LRP1B: variants seen among roughly 807,000 people sequenced by gnomAD.
The protein encoded by LRP1B is LDL receptor related protein 1B, also known as low-density lipoprotein receptor-related protein 1B.
In LRP1B, 217 loss-of-function variants were observed where a neutral mutation model predicts 556.6. The observed-to-expected ratio is 0.39, with a 90% CI of 0.35 to 0.44. The LOEUF is 0.44. LRP1B is among the 20% of genes least tolerant of loss of function. The probability of loss-of-function intolerance (pLI) is 1.00; values close to 1 mark genes in which losing one functional copy is unlikely to be tolerated. For synonymous variants in LRP1B, 2,047 were observed against 1,865.8 expected (o/e 1.10, Z -2.50); for missense variants, 5,053 against 5,620.8 (o/e 0.90, Z 3.23).
intron 31 of LRP1B, among the ~76,000 whole-genome samples, chr2:140,833,066 T>C (rs1230707021): frequency 6.6e-6 from 1 of 152,204 alleles, no homozygotes; most frequent in African/African-American, 2.4e-5. Flanking sequence ...TGTGTGTGCA[T>C]GAGTGTGCCC....
At chr2:141,882,635 T>C (rs1023391053) in intron 1 of LRP1B, among the ~76,000 whole-genome samples, 2 of 152,220 alleles carry the variant, frequency 1.3e-5, no homozygotes, top group African/African-American at 4.8e-5. Context: ...ATGCTTATGA[T>C]CATGGGCAGT....
chr2:142,070,381 T>G (rs865805662), intron 1 of LRP1B, among the ~76,000 whole-genome samples: 15 of 151,964 alleles, frequency 9.9e-5, no homozygotes, highest in Admixed American at 2.6e-4. Flanking sequence ...GTGAGGAGGT[T>G]AAATAACTTG....
chr2:142,103,273 T>A (rs1706628563), intron 1 of LRP1B, among the ~76,000 whole-genome samples: 1 of 151,982 alleles, frequency 6.6e-6, no homozygotes, highest in Non-Finnish European at 1.5e-5. Flanking sequence ...ATTTAGTAAA[T>A]TATTTGCATA....
At chr2:141,716,406 T>A (rs1692587820) in intron 2 of LRP1B, among the ~76,000 whole-genome samples, 2 of 152,178 alleles carry the variant, frequency 1.3e-5, no homozygotes, top group Non-Finnish European at 2.9e-5. Flanking sequence ...GAAAAATTCT[T>A]TTGCAAAAGT....
Position 141,631,904 on chromosome 2 carries a change from C to T in LRP1B, c.206-151371G>A, listed in dbSNP as rs540070189. ...TAATGTAAGTTTTAGGAAATTTTAC[C>T]GATTTTTCATTTCTTTTTTTTTAGA... On this transcript the variant is annotated intron_variant, in intron 2 of 90. Transcript: ENST00000389484. Among the ~76,000 whole-genome samples the T allele has an allele frequency of 3.6e-4, 54 of 151,768 alleles. 1 individual carries two copies. Among genetic ancestry groups the T allele is most frequent in the Non-Finnish European group, 7.4e-4 (50 of 67,936 alleles).
intron 2 of LRP1B, among the ~76,000 whole-genome samples, chr2:141,757,484 GATA>G (rs1694364786): frequency 1.3e-5 from 2 of 152,120 alleles, no homozygotes; most frequent in Admixed American, 6.6e-5. Context: ...AAATAATGAT[GATA>G]ATAAATAAAA....
intron 6 of LRP1B, among the ~76,000 whole-genome samples, chr2:141,215,612 A>G (rs1197417990): frequency 6.6e-6 from 1 of 152,198 alleles, no homozygotes; most frequent in Non-Finnish European, 1.5e-5. Context: ...GAGGTCTCAG[A>G]TTTAAATGAA....
intron 2 of LRP1B, among the ~76,000 whole-genome samples, chr2:141,758,808 T>C (rs1239189262): frequency 2.0e-5 from 3 of 152,150 alleles, no homozygotes; most frequent in African/African-American, 7.2e-5. Context: ...CATTAAAAAG[T>C]GTCTCATTTA....
intron 1 of LRP1B, among the ~76,000 whole-genome samples, chr2:142,022,636 T>C (rs571963459): frequency 6.6e-5 from 10 of 152,242 alleles, no homozygotes; most frequent in Non-Finnish European, 1.3e-4. Context: ...ACTTTTATTT[T>C]AATAAACAAA....
chr2:140,424,412 A>G (rs2105271303), intron 66 of LRP1B, among the ~76,000 whole-genome samples: 1 of 152,336 alleles, frequency 6.6e-6, no homozygotes, highest in South Asian at 2.1e-4. Context: ...TTGTCTCTGG[A>G]TTCATGATAC....
intron 25 of LRP1B, among the ~76,000 whole-genome samples, chr2:140,877,621 T>C (rs1175119532): frequency 1.3e-5 from 2 of 152,134 alleles, no homozygotes; most frequent in African/African-American, 4.8e-5. Context: ...CTCACTGAGA[T>C]CAATGCATTT....
intron 3 of LRP1B, among the ~76,000 whole-genome samples, chr2:141,310,184 C>T (rs906094837): frequency 3.9e-5 from 6 of 152,006 alleles, no homozygotes; most frequent in African/African-American, 7.2e-5. Flanking sequence ...GAAATGAGAC[C>T]TCAAGAAAGA....
At chr2:140,511,086 T>C (rs1689631708) in intron 51 of LRP1B, among the ~76,000 whole-genome samples, 1 of 152,104 alleles carries the variant, frequency 6.6e-6, no homozygotes, top group South Asian at 2.1e-4. Context: ...TTGAAAATAG[T>C]ATATTATCTC....
chr2:142,031,330 A>ATCTTTTTTTTTTTTT (rs1553506158), intron 1 of LRP1B, among the ~76,000 whole-genome samples: 1 of 117,050 alleles, frequency 8.5e-6, no homozygotes, highest in African/African-American at 2.9e-5. Context: ...GATTATACTT[A>ATCTTTTTTTTTTTTT]TTTTTTTTTT....
chr2:140,571,861 C>T (rs929479742), intron 43 of LRP1B, among the ~76,000 whole-genome samples: 1 of 151,742 alleles, frequency 6.6e-6, no homozygotes, highest in African/African-American at 2.4e-5. Flanking sequence ...TTACAGCCAA[C>T]TCATTTTTGA....
At chr2:141,985,698 G>T (rs1002339833) in intron 1 of LRP1B, among the ~76,000 whole-genome samples, 6 of 151,734 alleles carry the variant, frequency 4.0e-5, no homozygotes, top group African/African-American at 1.5e-4. Context: ...GTATTTACCT[G>T]TGTAACATTT....
Position 140,794,970 on chromosome 2 carries a change from A to G in LRP1B, c.5359+18687T>C, listed in dbSNP as rs764724559. Among the ~76,000 whole-genome samples, 6 of 152,234 alleles carry G rather than the reference A, an allele frequency of 3.9e-5. No individual in the cohort carries two copies. The South Asian group carries it at 1.0e-3, about 26-fold the overall frequency. Reference sequence around the variant, plus strand: ...ATTCTACTGTTCCTCTAATGGAACTATAAGAAATAGTTTTCAATTTTTAAA... The same window carrying G: ...ATTCTACTGTTCCTCTAATGGAACTGTAAGAAATAGTTTTCAATTTTTAAA... On this transcript the variant is annotated intron_variant, in intron 32 of 90. Coordinates refer to ENST00000389484, the MANE Select transcript of LRP1B (RefSeq NM_018557.3).
chr2:140,703,342 CATAAA>C (rs1358867935), intron 37 of LRP1B, among the ~76,000 whole-genome samples: 3 of 151,892 alleles, frequency 2.0e-5, no homozygotes, highest in African/African-American at 7.3e-5. Context: ...AACAACATGT[CATAAA>C]ATAAAATGTA....
intron 41 of LRP1B, among the ~76,000 whole-genome samples, chr2:140,614,385 T>A (rs896535412): frequency 4.8e-5 from 7 of 146,322 alleles, no homozygotes; most frequent in Admixed American, 4.7e-4. Context: ...CTGAGTAAAT[T>A]TTTTTTCTTC....
Sources: allele counts gnomAD v4.1 joint callset (sites outside exome capture counted in the v4.1 genomes callset), GRCh38; gene constraint gnomAD v4.1.1; transcripts MANE v1.5; gene names NCBI Gene and HGNC (gene_info 2026-07-23, HGNC 2026-07-21).